The following CNIH3 variants were observed in gnomAD, a reference collection of about 807,000 sequenced individuals.
CNIH3 encodes cornichon family AMPA receptor auxiliary protein 3, also known as protein cornichon homolog 3.
CNIH3 carries 14 observed loss-of-function variants against 24.1 expected under a neutral mutation model. That is an observed-to-expected ratio of 0.58 (90% CI 0.38 to 0.91). The LOEUF (loss-of-function observed/expected upper bound fraction) is 0.91, where lower values mean the gene tolerates loss of function less well. Ranked by LOEUF, CNIH3 falls within the 40% of genes least tolerant of loss-of-function variation. CNIH3 has a pLI of 0.00. For synonymous variants in CNIH3, 68 were observed against 73.8 expected (o/e 0.92, Z 0.40); for missense variants, 178 against 196.8 (o/e 0.90, Z 0.57).
At chr1:224,622,206 A>G (rs2125066942) in intron 1 of CNIH3, among the ~76,000 whole-genome samples, 2 of 152,320 alleles carry the variant, frequency 1.3e-5, no homozygotes, top group East Asian at 3.9e-4. Context: ...CTTAAGGACT[A>G]CTTTCTGGGT....
At chr1:224,676,390 G>C (rs1018864295) in intron 1 of CNIH3, among the ~76,000 whole-genome samples, 5 of 152,156 alleles carry the variant, frequency 3.3e-5, no homozygotes, top group Admixed American at 6.5e-5. Flanking sequence ...GAATTTTGGG[G>C]TGATAGAACT....
At chr1:224,633,234 C>T (rs1378703089) in intron 1 of CNIH3, among the ~76,000 whole-genome samples, 1 of 152,078 alleles carries the variant, frequency 6.6e-6, no homozygotes, top group Non-Finnish European at 1.5e-5. Context: ...TCTCTGTTCA[C>T]TGCAACTTCT....
At chr1:224,537,908 C>T (rs1018448500), downstream of CNIH3, among the ~76,000 whole-genome samples, 1 of 151,742 alleles carries the variant, frequency 6.6e-6, no homozygotes, top group African/African-American at 2.4e-5. Context: ...GGTAGAGGAC[C>T]CAGGATATGA....
intron 4 of CNIH3, chr1:224,575,080 G>C: frequency 1.1e-6 from 1 of 874,014 alleles, no homozygotes; most frequent in Non-Finnish European, 2.0e-6. Flanking sequence ...AGCTCCTTCA[G>C]CTCCCCCGAC....
intron 1 of CNIH3, among the ~76,000 whole-genome samples, chr1:224,510,610 A>AAAC (rs1397209712): frequency 2.1e-5 from 1 of 48,690 alleles, no homozygotes; most frequent in African/African-American, 7.1e-5. Flanking sequence ...AAAAAAAAAC[A>AAAC]AAAAAAAAAC....
intron 1 of CNIH3, among the ~76,000 whole-genome samples, chr1:224,660,428 A>T (rs1211567610): frequency 6.6e-6 from 1 of 152,174 alleles, no homozygotes; most frequent in Non-Finnish European, 1.5e-5. Context: ...ACACAGCCAA[A>T]CCGTGTCAGA....
chr1:224,486,459 A>G lies in CNIH3; in HGVS notation n.204-29282A>G, dbSNP rs114051122. Reference sequence around the variant, plus strand: ...CTGTAGCTTTCACTGTGTTTTGTTTATACTCTCTAGATGATTTGGGCCATA... The same window carrying G: ...CTGTAGCTTTCACTGTGTTTTGTTTGTACTCTCTAGATGATTTGGGCCATA... On this transcript the variant is annotated intron_variant and non_coding_transcript_variant, in intron 1 of 5. Coordinates refer to the CNIH3 transcript ENST00000471578. Among the ~76,000 whole-genome samples the G allele has an allele frequency of 6.5e-3, 993 of 152,178 alleles. 5 individuals are homozygous for G. The highest frequency in any genetic ancestry group is 9.3e-3 in the Non-Finnish European group (631 of 68,012).
chr1:224,460,155 G>A lies in CNIH3; in HGVS notation n.203+25293G>A, dbSNP rs149744705. On this transcript the variant is annotated intron_variant and non_coding_transcript_variant, in intron 1 of 5. Transcript: ENST00000471578. ...GATCCACCCACGTCGGCCTCCCAGG[G>A]TGCTAGGATTACAGGCATGATCTAC... Among the ~76,000 whole-genome samples, 907 of 152,106 alleles carry A rather than the reference G, an allele frequency of 6.0e-3. 33 individuals are homozygous for A. Among genetic ancestry groups the A allele is most frequent in the Middle Eastern group, 3.4e-3 (1 of 294 alleles).
chr1:224,685,642 TG>T (rs1206701084), intron 3 of CNIH3, among the ~76,000 whole-genome samples: 2 of 152,218 alleles, frequency 1.3e-5, no homozygotes, highest in African/African-American at 4.8e-5. Context: ...GAGCCTTACA[TG>T]AATAGGACAG....
Position 224,496,736 on chromosome 1 carries a change from T to C in CNIH3, n.204-19005T>C, listed in dbSNP as rs184708175. 3.6e-3 allele frequency among the ~76,000 whole-genome samples: 545 copies of C among 152,346 alleles called. 4 individuals carry two copies. Among genetic ancestry groups the C allele is most frequent in the African/African-American group, 0.012 (510 of 41,582 alleles). On this transcript the variant is annotated intron_variant and non_coding_transcript_variant, in intron 1 of 5. Transcript: ENST00000471578. Reference sequence around the variant, plus strand: ...GACGGGTACAATACTACAGGTGGCATAGGATATCATGGTGGGAATACTGCA... The same window carrying C: ...GACGGGTACAATACTACAGGTGGCACAGGATATCATGGTGGGAATACTGCA...
intron 1 of CNIH3, among the ~76,000 whole-genome samples, chr1:224,446,689 T>G (rs556694182): frequency 1.2e-4 from 19 of 152,376 alleles, no homozygotes; most frequent in Non-Finnish European, 7.3e-5. Flanking sequence ...AAATTAAGTC[T>G]GAATTCCACT....
chr1:224,637,703 G>A (rs980214405), intron 1 of CNIH3, among the ~76,000 whole-genome samples: 2 of 152,186 alleles, frequency 1.3e-5, no homozygotes, highest in East Asian at 1.9e-4. Flanking sequence ...GGCCAGTTGC[G>A]GTCTTGTTGC....
chr1:224,712,371 G>T (rs1229509758), intron 3 of CNIH3, among the ~76,000 whole-genome samples: 1 of 152,192 alleles, frequency 6.6e-6, no homozygotes, highest in African/African-American at 2.4e-5. Context: ...CCTACAAGCT[G>T]AAGGTCTTGT....
At chr1:224,550,367 A>G (rs1679865796) in intron 3 of CNIH3, among the ~76,000 whole-genome samples, 1 of 152,224 alleles carries the variant, frequency 6.6e-6, no homozygotes, top group South Asian at 2.1e-4. Context: ...AACACTGGAT[A>G]TTATAGAAAT....
At chr1:224,721,856 G>T (rs1326345493) in intron 3 of CNIH3, among the ~76,000 whole-genome samples, 1 of 152,156 alleles carries the variant, frequency 6.6e-6, no homozygotes, top group Non-Finnish European at 1.5e-5. Context: ...GTGGAAGGAT[G>T]CTGGAGAGCT....
chr1:224,513,009 T>G (rs1678220097), upstream of CNIH3, among the ~76,000 whole-genome samples: 2 of 152,226 alleles, frequency 1.3e-5, no homozygotes, highest in African/African-American at 4.8e-5. Context: ...CTGTTAACAC[T>G]GGAGATAATG....
At chr1:224,483,683 C>T (rs1371400075) in intron 1 of CNIH3, among the ~76,000 whole-genome samples, 4 of 151,954 alleles carry the variant, frequency 2.6e-5, no homozygotes, top group Non-Finnish European at 4.4e-5. Context: ...CAGGTGTGAG[C>T]CACCACACCC....
Position 224,573,757 on chromosome 1 carries a change from C to A in CNIH3, n.516+7493C>A, listed in dbSNP as rs190255366. Reference sequence around the variant, plus strand: ...ATGTTTCCTTTGTGAAGGGAGTAGTCTCCCTACCTTTTCCCAGGGTAGGAA... The same window carrying A: ...ATGTTTCCTTTGTGAAGGGAGTAGTATCCCTACCTTTTCCCAGGGTAGGAA... On this transcript the variant is annotated intron_variant and non_coding_transcript_variant, in intron 4 of 5. Transcript: ENST00000471578. Among the ~76,000 whole-genome samples, 358 of 152,196 alleles carry A rather than the reference C, an allele frequency of 2.4e-3. 1 individual carries two copies. The Middle Eastern group carries it at 0.027, about 12-fold the overall frequency.
At chr1:224,730,625 C>T (rs948208487) in intron 4 of CNIH3, 51 bp downstream of exon 4, 2 of 1,148,048 alleles carry the variant, frequency 1.7e-6, no homozygotes, top group African/African-American at 3.1e-5. Flanking sequence ...CCAGGGCAGC[C>T]TGCTCTCCAG....
Sources: allele counts gnomAD v4.1 joint callset (sites outside exome capture counted in the v4.1 genomes callset), GRCh38; gene constraint gnomAD v4.1.1; transcripts MANE v1.5; gene names NCBI Gene and HGNC (gene_info 2026-07-23, HGNC 2026-07-21).